The following MORC1 variants were observed in gnomAD, a reference collection of about 807,000 sequenced individuals.
MORC1 encodes MORC family CW-type zinc finger protein 1.
In MORC1, 59 loss-of-function variants were observed where a neutral mutation model predicts 134.9. The observed-to-expected ratio is 0.44, with a 90% CI of 0.35 to 0.54. The LOEUF is 0.54. Among genes scored for constraint, MORC1 ranks in the 20% least tolerant of loss-of-function variants. The probability of loss-of-function intolerance (pLI) is 0.00; values close to 1 mark genes in which losing one functional copy is unlikely to be tolerated. For synonymous variants in MORC1, 395 were observed against 391.7 expected (o/e 1.01, Z -0.10); for missense variants, 947 against 1,134.5 (o/e 0.83, Z 2.37).
In MORC1 at chr3:109,076,664, C is replaced by A. The variant is rs1435385336; in HGVS notation, c.690-6907G>T. The stretch of plus-strand genomic sequence containing the variant: ...ATGCAGCCATAAGAAAGGATGAGTT[C>A]ATGTCCTTTGCAGGGACATGGATGA... On this transcript the variant is annotated intron_variant, in intron 8 of 27. Transcript: ENST00000232603. Among the ~76,000 whole-genome samples the A allele has an allele frequency of 1.3e-5, 2 of 152,120 alleles. 1 individual carries two copies. The highest frequency in any genetic ancestry group is 3.9e-4 in the East Asian group (2 of 5,192).
chr3:108,984,839 C>T, intron 22 of MORC1, 57 bp from the exon 23 acceptor site: 1 of 1,404,630 alleles, frequency 7.1e-7, no homozygotes, highest in Non-Finnish European at 9.8e-7. Flanking sequence ...TAAACTGAAC[C>T]AAAAGAAATG....
At position 109,118,130 on chromosome 3, in the gene MORC1, C is replaced by T. The variant is rs1951312508; in HGVS notation, c.-71G>A. ...ACCGGCAGCCGTTCGCCTGCGCCCG[C>T]GCCCACTCCCACGCCCACGCTCACG... is the stretch of plus-strand genomic sequence containing the variant. On this transcript the variant is annotated 5_prime_UTR_variant, in exon 1 of 28. Coordinates refer to ENST00000232603, the MANE Select transcript of MORC1 (RefSeq NM_014429.4). 1 of 1,539,210 alleles carries T rather than the reference C, an allele frequency of 6.5e-7. No homozygotes were observed. Among genetic ancestry groups the T allele is most frequent in the Non-Finnish European group, 8.8e-7 (1 of 1,132,976 alleles).
intron 14 of MORC1, among the ~76,000 whole-genome samples, chr3:109,044,036 TAA>T (rs1165332206): frequency 1.3e-5 from 2 of 152,192 alleles, no homozygotes; most frequent in South Asian, 2.1e-4. Context: ...TTCAAAATTA[TAA>T]AAGAGTACAT....
At chr3:108,959,286 C>A (rs1484716914) in intron 27 of MORC1, among the ~76,000 whole-genome samples, 166 bp from the exon 28 acceptor site, 1 of 152,154 alleles carries the variant, frequency 6.6e-6, no homozygotes, top group Admixed American at 6.6e-5. Context: ...CATTTAATGT[C>A]ATTTTATGCT....
intron 22 of MORC1, among the ~76,000 whole-genome samples, chr3:108,986,034 G>A (rs530900580): frequency 3.3e-5 from 5 of 152,176 alleles, no homozygotes; most frequent in African/African-American, 4.8e-5. Context: ...AAGGAAAAAC[G>A]TGCCACCAAA....
chr3:109,020,455 G>A (rs1282860847), intron 17 of MORC1, among the ~76,000 whole-genome samples: 1 of 152,130 alleles, frequency 6.6e-6, no homozygotes, highest in Admixed American at 6.5e-5. Context: ...TAAATCACAT[G>A]TTGGTAAAGT....
chr3:109,057,278 C>T, intron 13 of MORC1, 65 bp downstream of exon 13: 13 of 1,508,198 alleles, frequency 8.6e-6, no homozygotes, highest in Non-Finnish European at 1.2e-5. Context: ...TCTCACTCCA[C>T]AGACAGAATC....
chr3:109,095,500 G>T (rs1190761912), intron 6 of MORC1, among the ~76,000 whole-genome samples: 1 of 152,078 alleles, frequency 6.6e-6, no homozygotes, highest in East Asian at 1.9e-4. Context: ...GTTGGGGTAG[G>T]GGGAGAAGAG....
At chr3:109,069,490 C>T in intron 9 of MORC1, 142 bp downstream of exon 9, 1 of 756,456 alleles carries the variant, frequency 1.3e-6, no homozygotes, top group Non-Finnish European at 2.0e-6. Flanking sequence ...CTTTAGCATC[C>T]CTTCCTGGAT....
chr3:108,977,008 G>A (rs1213940523), intron 24 of MORC1, among the ~76,000 whole-genome samples: 1 of 152,120 alleles, frequency 6.6e-6, no homozygotes, highest in Non-Finnish European at 1.5e-5. Context: ...GAAAAAGAAA[G>A]TTGATCTATC....
chr3:109,071,686 T>C (rs1231682532), intron 8 of MORC1, among the ~76,000 whole-genome samples: 1 of 152,160 alleles, frequency 6.6e-6, no homozygotes, highest in Non-Finnish European at 1.5e-5. Context: ...TGCAGCAACA[T>C]GTGTGTGATG....
intron 2 of MORC1, among the ~76,000 whole-genome samples, chr3:109,113,577 T>G (rs142976476): frequency 6.6e-5 from 10 of 152,256 alleles, no homozygotes; most frequent in African/African-American, 9.6e-5. Flanking sequence ...ACTTCCTGGA[T>G]GGACTTTGCT....
At chr3:108,974,549 C>T (rs564648624) in intron 24 of MORC1, among the ~76,000 whole-genome samples, 19 of 152,222 alleles carry the variant, frequency 1.2e-4, no homozygotes, top group South Asian at 8.3e-4. Flanking sequence ...CCAGGAGACA[C>T]GAAGCACAAA....
At chr3:108,990,203 A>G (rs2107483248) in intron 21 of MORC1, among the ~76,000 whole-genome samples, 1 of 152,268 alleles carries the variant, frequency 6.6e-6, no homozygotes, top group Middle Eastern at 3.4e-3. Context: ...GGACTAATAT[A>G]CCTACCTTTA....
Position 109,118,090 on chromosome 3 carries a change from G to C in MORC1, c.-31C>G. ...CGAACACGACCCGCGCAACTCAAGG[G>C]GACAAGGACACCTGACCGGCAGCCG... On this transcript the variant is annotated 5_prime_UTR_variant, in exon 1 of 28. Transcript: ENST00000232603. The C allele has an allele frequency of 6.3e-7, 1 of 1,592,696 alleles. No individual in the cohort carries two copies.
At chr3:108,994,362 C>G (rs1268064901) in intron 21 of MORC1, among the ~76,000 whole-genome samples, 1 of 151,560 alleles carries the variant, frequency 6.6e-6, no homozygotes. Flanking sequence ...CAAAAGAAGA[C>G]CTAAATGACC....
At chr3:109,097,140 C>T (rs960870649) in intron 6 of MORC1, among the ~76,000 whole-genome samples, 2 of 152,026 alleles carry the variant, frequency 1.3e-5, no homozygotes, top group African/African-American at 4.8e-5. Context: ...AATCAGAATA[C>T]TGAGACAAAG....
At chr3:109,115,114 T>A (rs1951242497) in intron 1 of MORC1, among the ~76,000 whole-genome samples, 1 of 152,210 alleles carries the variant, frequency 6.6e-6, no homozygotes, top group African/African-American at 2.4e-5. Flanking sequence ...CATGCTTGCT[T>A]CTCATGTCCT....
At chr3:108,981,504 C>A (rs1947720615) in intron 23 of MORC1, among the ~76,000 whole-genome samples, 1 of 152,088 alleles carries the variant, frequency 6.6e-6, no homozygotes, top group Admixed American at 6.5e-5. Flanking sequence ...TTAAAGAAGT[C>A]TTTTTCTTTA....
Sources: gnomAD v4.1 joint callset for allele counts (sites outside exome capture counted in the v4.1 genomes callset) on GRCh38, gnomAD v4.1.1 for gene constraint, MANE v1.5 for transcripts, NCBI Gene and HGNC (gene_info 2026-07-23, HGNC 2026-07-21) for gene names.